DTL: variants seen among roughly 807,000 people sequenced by gnomAD.
The protein encoded by DTL is denticleless protein homolog.
In DTL, 46 loss-of-function variants were observed where a neutral mutation model predicts 87.0. The observed-to-expected ratio is 0.53, with a 90% CI of 0.42 to 0.68. DTL has a LOEUF of 0.68. Among genes scored for constraint, DTL ranks in the 30% least tolerant of loss-of-function variants. The pLI is 0.00. For missense variants in DTL, 737 were observed against 869.4 expected, an observed-to-expected ratio of 0.85 and a Z score of 1.91; for synonymous variants, 308 against 311.2, an observed-to-expected ratio of 0.99 and a Z score of 0.11.
At chr1:212,080,565 T>C in intron 12 of DTL, 50 bp from the exon 13 acceptor site, 1 of 1,576,820 alleles carries the variant, frequency 6.3e-7, no homozygotes, top group Non-Finnish European at 8.6e-7. Context: ...TTAATGTATT[T>C]TGAATCTTGA....
In DTL at chr1:212,100,943, C is replaced by G; in HGVS notation, c.1953C>G (p.Gly651=). 9.9e-6 allele frequency: 16 copies of G among 1,614,116 alleles called. No homozygotes were observed. Among genetic ancestry groups the G allele is most frequent in the Non-Finnish European group, 1.4e-5 (16 of 1,180,014 alleles). Residue 651 remains glycine, a synonymous_variant, in exon 14 of 15, where the codon GGC becomes GGG. Transcript: ENST00000366991. ...GTGGAGAAGGGTCTGAAATGGTAGG[C>G]AAAGAGAATAGTTCCCCAGAGAATA... ...RPCGEGSEMV[G]KENSSPENKN...
In DTL at chr1:212,035,777, G is replaced by A; in HGVS notation, c.-114G>A. 2 of 984,458 alleles carry A rather than the reference G, an allele frequency of 2.0e-6. No homozygotes were observed. The highest frequency in any genetic ancestry group is 2.9e-5 in the South Asian group (2 of 67,898). The allele number at this position is 984,458 out of a possible 1,614,324, so 61.0% of individuals were successfully genotyped here. On this transcript the variant is annotated 5_prime_UTR_variant, in exon 1 of 15. Coordinates refer to ENST00000366991, the MANE Select transcript of DTL (RefSeq NM_016448.4). ...TTTGGCGGCCGGGGCTTACAGTGGC[G>A]GGAGTTGGAGGCGATAACGATTTGT...
chr1:212,060,259 G>T (rs1379865248), intron 5 of DTL, among the ~76,000 whole-genome samples: 1 of 152,024 alleles, frequency 6.6e-6, no homozygotes, highest in Non-Finnish European at 1.5e-5. Flanking sequence ...AACTAAAACA[G>T]CATGGCATAA....
Position 212,100,421 on chromosome 1 carries a change from G to T in DTL, c.1431G>T (p.Arg477=), listed in dbSNP as rs1655583318. The change falls in exon 14 of 15, where the codon CGG becomes CGT. Residue 477 remains arginine (R), a synonymous_variant. Coordinates refer to ENST00000366991, the MANE Select transcript of DTL (RefSeq NM_016448.4). ...TTAAAACCTCTCCTGCCAAGGCCCG[G>T]TCTCCCATCAACAGAAGAGGCTCTG... is the stretch of plus-strand genomic sequence containing the variant. ...FSIKTSPAKA[R]SPINRRGSVS... The T allele has an allele frequency of 5.0e-6, 8 of 1,613,670 alleles. No homozygotes were observed. The highest frequency in any genetic ancestry group is 6.8e-6 in the Non-Finnish European group (8 of 1,179,976).
chr1:212,058,362 G>T (rs1423430296), intron 5 of DTL, among the ~76,000 whole-genome samples: 1 of 152,046 alleles, frequency 6.6e-6, no homozygotes. Context: ...AATCTTCTCA[G>T]ACCACAATGG....
In DTL at chr1:212,066,858, C is replaced by T; in HGVS notation, c.686C>T (p.Thr229Ile). 1 of 1,613,856 alleles carries T rather than the reference C, an allele frequency of 6.2e-7. No homozygotes were observed. The highest frequency in any genetic ancestry group is 8.5e-7 in the Non-Finnish European group (1 of 1,179,820). ...VTVVLFQDEN[T>I]LVSAGAVDGI... ...GTGGTCCTCTTTCAAGACGAGAATA[C>T]CTTAGTCTCAGCAGGAGCTGTGGAT... Residue 229 changes from threonine to isoleucine, a missense_variant, in exon 8 of 15, where the codon ACC becomes ATC. By Grantham distance (89) the Thr-to-Ile change is moderately conservative. Transcript: ENST00000366991.
chr1:212,045,750 A>G (rs1019563916), intron 3 of DTL, among the ~76,000 whole-genome samples: 1 of 152,226 alleles, frequency 6.6e-6, no homozygotes, highest in Non-Finnish European at 1.5e-5. Context: ...TAGAGATAGA[A>G]AAGCATAGGA....
chr1:212,048,599 C>G (rs551425439), intron 5 of DTL, among the ~76,000 whole-genome samples: 2 of 152,318 alleles, frequency 1.3e-5, no homozygotes, highest in African/African-American at 2.4e-5. Context: ...TAACACAGCA[C>G]AGTACTGTAG....
In DTL at chr1:212,100,673, G is replaced by C; in HGVS notation, c.1683G>C (p.Glu561Asp). ...GGAGGCTAGACTCAAGCTGTCTGGA[G>C]AGTGTGAAACAAAAGTGTGTGAAGA... The part of the protein sequence containing the change: ...VKRRLDSSCL[E>D]SVKQKCVKSC... Residue 561 changes from glutamate to aspartate, a missense_variant, in exon 14 of 15, where the codon GAG (glutamate) becomes GAC (aspartate). Physicochemically the swap from Glu to Asp is conservative, Grantham distance 45. Coordinates refer to ENST00000366991, the MANE Select transcript of DTL (RefSeq NM_016448.4). 1 of 1,614,132 alleles carries C rather than the reference G, an allele frequency of 6.2e-7. No homozygotes were observed. Among genetic ancestry groups the C allele is most frequent in the Non-Finnish European group, 8.5e-7 (1 of 1,180,036 alleles).
At chr1:212,088,151 G>C (rs1487942567) in intron 13 of DTL, among the ~76,000 whole-genome samples, 2 of 152,166 alleles carry the variant, frequency 1.3e-5, no homozygotes, top group African/African-American at 2.4e-5. Flanking sequence ...GGTCTGTTAT[G>C]TAGCGAGGAT....
intron 1 of DTL, among the ~76,000 whole-genome samples, chr1:212,042,432 T>C (rs1667680843): frequency 6.6e-6 from 1 of 152,244 alleles, no homozygotes; most frequent in South Asian, 2.1e-4. Flanking sequence ...CACTTCACTT[T>C]ACAATTTCTC....
At chr1:212,044,793 T>A in intron 3 of DTL, 35 bp downstream of exon 3, 1 of 1,278,482 alleles carries the variant, frequency 7.8e-7, no homozygotes, top group Non-Finnish European at 1.1e-6. Context: ...TTTTAACATT[T>A]AAAAAACTTT....
chr1:212,078,226 C>G lies in DTL; in HGVS notation c.1089C>G (p.Val363=). Residue 363 remains valine, a synonymous_variant, in exon 12 of 15, where the codon GTC becomes GTG. Transcript: ENST00000366991. The part of the protein sequence containing the change: ...PTVLLGHSQE[V]TSVCWCPSDF... The stretch of plus-strand genomic sequence containing the variant: ...TGCTCCTGGGTCATTCTCAAGAGGT[C>G]ACGTCTGTGTGCTGGTGTCCATCTG... The G allele has an allele frequency of 6.2e-7, 1 of 1,612,630 alleles. No individual in the cohort carries two copies. Among genetic ancestry groups the G allele is most frequent in the Non-Finnish European group, 8.5e-7 (1 of 1,178,802 alleles).
intron 13 of DTL, among the ~76,000 whole-genome samples, chr1:212,084,805 G>A (rs986315851): frequency 6.6e-6 from 1 of 152,136 alleles, no homozygotes; most frequent in Non-Finnish European, 1.5e-5. Context: ...ACAGGGTCAT[G>A]ATTTTGGTTA....
intron 10 of DTL, 113 bp downstream of exon 10, chr1:212,068,816 CTTTGGCATCT>C: frequency 1.7e-6 from 1 of 599,440 alleles, no homozygotes; most frequent in Non-Finnish European, 2.9e-6. Context: ...CATATGAGGA[CTTTGGCATCT>C]TTGATTACAT....
At chr1:212,102,788 T>A in intron 14 of DTL, 54 bp from the exon 15 acceptor site, 2 of 1,278,140 alleles carry the variant, frequency 1.6e-6, no homozygotes, top group South Asian at 2.5e-5. Flanking sequence ...AGTAATAACT[T>A]AGTAACAGTT....
chr1:212,072,948 G>A (rs759659665), intron 11 of DTL, among the ~76,000 whole-genome samples: 17 of 151,950 alleles, frequency 1.1e-4, no homozygotes, highest in Non-Finnish European at 2.4e-4. Context: ...TGTATTTTTA[G>A]TAGAGACGGG....
At chr1:212,046,918 CTG>C (rs1361459226) in intron 3 of DTL, among the ~76,000 whole-genome samples, 6 of 152,276 alleles carry the variant, frequency 3.9e-5, no homozygotes, top group Admixed American at 2.0e-4. Context: ...CAGTGTAAAA[CTG>C]TTGCTATCTC....
chr1:212,062,556 G>A (rs958553178), intron 5 of DTL, among the ~76,000 whole-genome samples: 1 of 152,060 alleles, frequency 6.6e-6, no homozygotes, highest in Non-Finnish European at 1.5e-5. Flanking sequence ...AAAACACGCG[G>A]GATAGTAGCT....
Sources: allele counts gnomAD v4.1 joint callset (sites outside exome capture counted in the v4.1 genomes callset), GRCh38; gene constraint gnomAD v4.1.1; transcripts MANE v1.5; gene names NCBI Gene and HGNC (gene_info 2026-07-23, HGNC 2026-07-21).